LRP6: variants seen among roughly 807,000 people sequenced by gnomAD.
LRP6 encodes the protein LDL receptor related protein 6.
In LRP6, 43 loss-of-function variants were observed where a neutral mutation model predicts 184.1. That is an observed-to-expected ratio of 0.23 (90% CI 0.18 to 0.30). LRP6 has a LOEUF of 0.30. Ranked by LOEUF, LRP6 falls within the 10% of genes least tolerant of loss-of-function variation. LRP6 has a pLI of 1.00. For missense variants in LRP6, 1,571 were observed against 2,005.3 expected (o/e 0.78, Z 4.14); for synonymous variants, 719 against 684.9 (o/e 1.05, Z -0.78).
intron 11 of LRP6, 96 bp from the exon 12 acceptor site, chr12:12,159,251 A>T: frequency 1.2e-6 from 1 of 836,090 alleles, no homozygotes; most frequent in Non-Finnish European, 2.0e-6. Flanking sequence ...AAAAAGCCCT[A>T]ACATATAAAA....
intron 15 of LRP6, chr12:12,138,853 C>A: frequency 7.2e-7 from 1 of 1,381,536 alleles, no homozygotes. Context: ...TGGCACTTCT[C>A]TGGAGGAGCA....
intron 2 of LRP6, among the ~76,000 whole-genome samples, chr12:12,223,661 T>G (rs1864545656): frequency 6.6e-6 from 1 of 152,240 alleles, no homozygotes; most frequent in Non-Finnish European, 1.5e-5. Context: ...CCTATCTTAA[T>G]TTTTAATGGG....
intron 13 of LRP6, among the ~76,000 whole-genome samples, chr12:12,149,893 C>A (rs2136916913): frequency 6.6e-6 from 1 of 152,254 alleles, no homozygotes; most frequent in South Asian, 2.1e-4. Flanking sequence ...TCCTTAATTT[C>A]TATCTATTAG....
chr12:12,161,011 G>A (rs1862729239), intron 10 of LRP6, among the ~76,000 whole-genome samples: 1 of 152,184 alleles, frequency 6.6e-6, no homozygotes, highest in South Asian at 2.1e-4. Flanking sequence ...ATTTGCACTT[G>A]TCATTTGACA....
At chr12:12,259,033 G>A (rs530222073) in intron 1 of LRP6, among the ~76,000 whole-genome samples, 52 of 152,292 alleles carry the variant, frequency 3.4e-4, no homozygotes, top group South Asian at 1.4e-3. Flanking sequence ...AGGCCAAAGC[G>A]GGTGGACCAC....
Position 12,120,888 on chromosome 12 carries a change from A to C in LRP6, c.*238T>G, listed in dbSNP as rs1373405813. The C allele has an allele frequency of 7.9e-6, 3 of 378,592 alleles. No homozygotes were observed. In the East Asian group the frequency reaches 1.2e-4, roughly 16 times the overall value. 23.5% of individuals were successfully genotyped at this position (378,592 alleles called of 1,614,324 possible). On this transcript the variant is annotated 3_prime_UTR_variant, in exon 23 of 23. Coordinates refer to ENST00000261349, the MANE Select transcript of LRP6 (RefSeq NM_002336.3). ...TTTGCAAAAATAAAACTTTTAGTAC[A>C]AATTTTTTTTATACAAACTTTTATG...
intron 15 of LRP6, among the ~76,000 whole-genome samples, chr12:12,142,400 T>A (rs1187079636): frequency 3.9e-5 from 6 of 152,170 alleles, no homozygotes; most frequent in African/African-American, 1.4e-4. Context: ...AGTAAGCTAC[T>A]GGAACCAACA....
rs185063697 is a variant in LRP6 at position 12,223,405 on chromosome 12, G to A, written c.450-20005C>T. 1.5e-3 allele frequency among the ~76,000 whole-genome samples: 226 copies of A among 152,156 alleles called. 1 individual carries two copies. The highest frequency in any genetic ancestry group is 4.9e-3 in the African/African-American group (204 of 41,518). On this transcript the variant is annotated intron_variant, in intron 2 of 22. Coordinates refer to ENST00000261349, the MANE Select transcript of LRP6 (RefSeq NM_002336.3). ...ATGATGGCTAAGGTAGAACCATACC[G>A]CACATATTTAAACAATAATTTACAT...
intron 1 of LRP6, among the ~76,000 whole-genome samples, chr12:12,250,700 G>A (rs1251772218): frequency 6.6e-6 from 1 of 151,940 alleles, no homozygotes; most frequent in Non-Finnish European, 1.5e-5. Context: ...TCGGCTCACT[G>A]CAACCTCCGA....
intron 12 of LRP6, among the ~76,000 whole-genome samples, chr12:12,152,797 C>T (rs1279216347): frequency 6.6e-6 from 1 of 152,232 alleles, no homozygotes; most frequent in Non-Finnish European, 1.5e-5. Flanking sequence ...ATTCCCCATT[C>T]TTCACAGCTC....
intron 12 of LRP6, among the ~76,000 whole-genome samples, chr12:12,158,433 A>C (rs10845488): frequency 0.16 from 23,961 of 152,048 alleles, 2,085 homozygotes; most frequent in Middle Eastern, 0.25. Flanking sequence ...CCAAGTGATC[A>C]TCCTACTTCA....
At chr12:12,256,018 TACAG>T (rs1484880067) in intron 1 of LRP6, among the ~76,000 whole-genome samples, 1 of 152,164 alleles carries the variant, frequency 6.6e-6, no homozygotes, top group East Asian at 1.9e-4. Flanking sequence ...ATAAGGTACA[TACAG>T]AAAGTCCTGC....
intron 7 of LRP6, 106 bp downstream of exon 7, chr12:12,179,704 C>A (rs1013328280): frequency 3.3e-6 from 4 of 1,229,750 alleles, no homozygotes; most frequent in Non-Finnish European, 4.7e-6. Context: ...CCTTTGGCAC[C>A]CCAGACAACT....
rs554378302 is a variant in LRP6 at position 12,244,526 on chromosome 12, T to C, written c.185A>G (p.His62Arg). 3 of 1,614,114 alleles carry C rather than the reference T, an allele frequency of 1.9e-6. No individual in the cohort carries two copies. Among genetic ancestry groups the C allele is most frequent in the Non-Finnish European group, 8.5e-7 (1 of 1,180,056 alleles). ...GACATCACTCCAGTATATCAAGCCA[T>C]GACTAAACACAAAGTCCACCGCAGC... is the stretch of plus-strand genomic sequence containing the variant. ...DAAAVDFVFS[H>R]GLIYWSDVSE... The change falls in exon 2 of 23, where the codon CAT (histidine) becomes CGT (arginine). Residue 62 changes from histidine (H) to arginine (R), a missense_variant. His to Arg is a conservative substitution (Grantham distance 29). Coordinates refer to ENST00000261349, the MANE Select transcript of LRP6 (RefSeq NM_002336.3).
In LRP6 at chr12:12,216,713, T is replaced by TA. The variant is rs775666641; in HGVS notation, c.450-13314dup. Reference sequence around the variant, plus strand: ...TAAAGGTTGTTTTCTCAAGCCCCAATAAAACTAACGGATAATCCAAACAGC... The same window carrying TA: ...TAAAGGTTGTTTTCTCAAGCCCCAATAAAAACTAACGGATAATCCAAACAGC... On this transcript the variant is annotated intron_variant, in intron 2 of 22. Transcript: ENST00000261349. Among the ~76,000 whole-genome samples, 132 of 147,440 alleles carry TA rather than the reference T, an allele frequency of 9.0e-4. 1 individual carries two copies. Among genetic ancestry groups the TA allele is most frequent in the Non-Finnish European group, 1.6e-3 (109 of 66,358 alleles).
At chr12:12,234,128 A>C (rs560216439) in intron 2 of LRP6, among the ~76,000 whole-genome samples, 2 of 152,238 alleles carry the variant, frequency 1.3e-5, no homozygotes, top group Non-Finnish European at 2.9e-5. Context: ...TCTCTACTAA[A>C]AATACAAAAT....
chr12:12,138,603 C>A, intron 15 of LRP6, 69 bp from the exon 16 acceptor site: 1 of 1,397,472 alleles, frequency 7.2e-7, no homozygotes, highest in Non-Finnish European at 1.0e-6. Flanking sequence ...TAATTATTTA[C>A]TGACTACCAG....
intron 2 of LRP6, among the ~76,000 whole-genome samples, chr12:12,224,932 C>T (rs962800088): frequency 2.6e-5 from 4 of 152,296 alleles, no homozygotes; most frequent in South Asian, 4.1e-4. Context: ...TGGCCAGGGG[C>T]GGTGGCTCAC....
chr12:12,260,843 T>G (rs996068367), intron 1 of LRP6, among the ~76,000 whole-genome samples: 4 of 152,244 alleles, frequency 2.6e-5, no homozygotes, highest in Non-Finnish European at 5.9e-5. Context: ...TAATCTTCTC[T>G]AAATGTAAAC....
Sources: allele counts gnomAD v4.1 joint callset (sites outside exome capture counted in the v4.1 genomes callset), GRCh38; gene constraint gnomAD v4.1.1; transcripts MANE v1.5; gene names NCBI Gene and HGNC (gene_info 2026-07-23, HGNC 2026-07-21).